RTL4: variants seen among roughly 807,000 people sequenced by gnomAD.
RTL4 encodes the protein retrotransposon Gag like 4, also known as retrotransposon Gag-like protein 4.
Under a neutral mutation model 5.3 loss-of-function variants are expected in RTL4, and 4 were observed. That is an observed-to-expected ratio of 0.75 (90% CI 0.37 to 1.72). The LOEUF is 1.72. Ranked by LOEUF, RTL4 falls within the 40% of genes most tolerant of loss-of-function variation. The pLI is 0.04. For synonymous variants in RTL4, 98 were observed against 87.3 expected (o/e 1.12, Z -0.68); for missense variants, 260 against 227.1 (o/e 1.14, Z -0.93).
chrX:112,262,126 G>T, the RTL4 span, among the ~76,000 whole-genome samples: 1 of 111,977 alleles, frequency 8.9e-6, no homozygotes, highest in Non-Finnish European at 1.9e-5. Context: ...TCAGGGCATA[G>T]GCATGGGCAA....
chrX:112,441,044 T>A, the RTL4 span, among the ~76,000 whole-genome samples: 1 of 111,540 alleles, frequency 9.0e-6, no homozygotes, highest in South Asian at 3.8e-4. Context: ...CACAAAATTT[T>A]GATATTATGA....
At chrX:112,173,079 CA>C in the RTL4 span, among the ~76,000 whole-genome samples, 4 of 109,242 alleles carry the variant, frequency 3.7e-5, no homozygotes, top group Admixed American at 2.0e-4. Flanking sequence ...GTGATAGGTT[CA>C]TTAGTGCAGC....
the RTL4 span, among the ~76,000 whole-genome samples, chrX:112,392,710 C>G: frequency 8.9e-6 from 1 of 111,983 alleles, no homozygotes; most frequent in Non-Finnish European, 1.9e-5. Context: ...CTCACCCCTC[C>G]CATCTCAGAG....
chrX:112,339,881 C>G, the RTL4 span, among the ~76,000 whole-genome samples: 5 of 112,652 alleles, frequency 4.4e-5, no homozygotes, highest in South Asian at 1.8e-3. Flanking sequence ...CTATTCAACT[C>G]TGCCATTGTA....
the RTL4 span, among the ~76,000 whole-genome samples, chrX:112,170,960 T>C: frequency 5.2e-4 from 58 of 111,838 alleles, no homozygotes; most frequent in East Asian, 0.016. Context: ...ACATGAAGCA[T>C]GTTGAATTTT....
At chrX:112,389,059 T>C in the RTL4 span, among the ~76,000 whole-genome samples, 2 of 110,824 alleles carry the variant, frequency 1.8e-5, no homozygotes, top group East Asian at 5.6e-4. Flanking sequence ...GCCTTTTTTT[T>C]CCTTTTTGGT....
At chrX:112,360,210 T>G in the RTL4 span, among the ~76,000 whole-genome samples, 2 of 111,222 alleles carry the variant, frequency 1.8e-5, no homozygotes, top group East Asian at 5.7e-4. Context: ...TAATACTGAT[T>G]CCATTTCTCT....
chrX:112,300,898 A>G, the RTL4 span, among the ~76,000 whole-genome samples: 3 of 111,446 alleles, frequency 2.7e-5, no homozygotes, highest in Non-Finnish European at 5.6e-5. Flanking sequence ...GAAGACAATT[A>G]CACTAAAGAA....
chrX:112,407,782 C>G, the RTL4 span, among the ~76,000 whole-genome samples: 1 of 112,845 alleles, frequency 8.9e-6, no homozygotes, highest in Non-Finnish European at 1.9e-5. Flanking sequence ...TACTCTACCC[C>G]CAGCTCCAGG....
chrX:112,285,271 T>C, the RTL4 span, among the ~76,000 whole-genome samples: 1 of 111,903 alleles, frequency 8.9e-6, no homozygotes, highest in African/African-American at 3.2e-5. Context: ...AGTCCAGGGA[T>C]AATCCAGTGG....
the RTL4 span, among the ~76,000 whole-genome samples, chrX:112,393,162 T>G: frequency 1.3e-4 from 10 of 78,761 alleles, no homozygotes; most frequent in African/African-American, 6.2e-4. Context: ...TTTTTTTTTG[T>G]TTTTTTTTTT....
the RTL4 span, among the ~76,000 whole-genome samples, chrX:112,332,063 G>A: frequency 2.7e-5 from 3 of 109,503 alleles, no homozygotes; most frequent in Non-Finnish European, 5.7e-5. Context: ...ATGCTAGATG[G>A]TGAGTTAGTG....
the RTL4 span, among the ~76,000 whole-genome samples, chrX:112,309,097 A>G: frequency 2.7e-5 from 3 of 111,849 alleles, no homozygotes; most frequent in African/African-American, 9.7e-5. Flanking sequence ...AAGCACTGAT[A>G]TTAGTAAGCT....
the RTL4 span, among the ~76,000 whole-genome samples, chrX:112,095,624 G>A: frequency 7.2e-5 from 8 of 111,249 alleles, 1 homozygote; most frequent in Admixed American, 6.7e-4. Context: ...GTCCCAATGA[G>A]ATGGAAGAGC....
chrX:112,294,039 G>A, the RTL4 span, among the ~76,000 whole-genome samples: 2 of 111,988 alleles, frequency 1.8e-5, no homozygotes, highest in African/African-American at 6.5e-5. Context: ...TCTAGAAGAG[G>A]TCTTCCATTT....
chrX:112,261,571 T>C, the RTL4 span, among the ~76,000 whole-genome samples: 1 of 112,000 alleles, frequency 8.9e-6, no homozygotes, highest in Admixed American at 9.5e-5. Context: ...TTACATTCCA[T>C]GCTCATGGAT....
chrX:112,338,743 C>T, the RTL4 span, among the ~76,000 whole-genome samples: 1 of 111,597 alleles, frequency 9.0e-6, no homozygotes, highest in Non-Finnish European at 1.9e-5. Context: ...CTTTCTACTA[C>T]ACTCTTCTGA....
rs146678011 is a variant in RTL4 at position 112,454,879 on chromosome X, G to T, written c.151G>T (p.Val51Leu). The change falls in exon 1 of 1, where the codon GTG becomes TTG. Residue 51 changes from valine to leucine, a missense_variant. Val to Leu is a conservative substitution (Grantham distance 32). Transcript: ENST00000340433. ...AGTCATGCCTGCCCTGGCCACCACA[G>T]TGATGCCTGTACCATACTCACTTGA... 4.1e-6 allele frequency: 5 copies of T among 1,211,112 alleles called. No homozygotes were observed. In the South Asian group the frequency reaches 7.0e-5, roughly 17 times the overall value.
At chrX:112,206,929 C>T in the RTL4 span, among the ~76,000 whole-genome samples, 4 of 111,531 alleles carry the variant, frequency 3.6e-5, no homozygotes, top group Non-Finnish European at 7.5e-5. Flanking sequence ...TACTAAAACC[C>T]AAGAATCATC....
Sources: allele counts gnomAD v4.1 joint callset (sites outside exome capture counted in the v4.1 genomes callset), GRCh38; gene constraint gnomAD v4.1.1; transcripts MANE v1.5; gene names NCBI Gene and HGNC (gene_info 2026-07-23, HGNC 2026-07-21).